The following LAMA1 variants were observed in gnomAD, a reference collection of about 807,000 sequenced individuals.
LAMA1 encodes laminin subunit alpha 1, also known as laminin subunit alpha-1.
In LAMA1, 219 loss-of-function variants were observed where a neutral mutation model predicts 348.7. The ratio of observed to expected loss-of-function variants is 0.63; its 90% confidence interval spans 0.56 to 0.70. The LOEUF (loss-of-function observed/expected upper bound fraction) is 0.70. Ranked by LOEUF, LAMA1 falls within the 30% of genes least tolerant of loss-of-function variation. The pLI, the probability that LAMA1 is intolerant of heterozygous loss-of-function variation, is 0.00. For synonymous variants in LAMA1, 1,487 were observed against 1,491.0 expected, an observed-to-expected ratio of 1.00 and a Z score of 0.06; for missense variants, 3,744 against 3,888.0, an observed-to-expected ratio of 0.96 and a Z score of 0.99.
chr18:7,116,736 G>A (rs1018692536), intron 1 of LAMA1, among the ~76,000 whole-genome samples: 3 of 152,232 alleles, frequency 2.0e-5, no homozygotes, highest in Non-Finnish European at 4.4e-5. Context: ...TAGGGGTGGC[G>A]TGGGTGACTA....
chr18:7,075,107 G>A (rs904593377), intron 3 of LAMA1, among the ~76,000 whole-genome samples: 3 of 150,614 alleles, frequency 2.0e-5, no homozygotes, highest in African/African-American at 7.3e-5. Flanking sequence ...AAAACCTCAA[G>A]AGCTGATATT....
intron 29 of LAMA1, among the ~76,000 whole-genome samples, chr18:7,003,637 A>G (rs1335718322): frequency 1.3e-5 from 2 of 152,106 alleles, no homozygotes; most frequent in Non-Finnish European, 2.9e-5. Flanking sequence ...CATTTGCTCA[A>G]TTCATCTCTA....
Position 6,992,576 on chromosome 18 carries a change from G to T in LAMA1, c.5153C>A (p.Ala1718Asp). 3.7e-6 allele frequency: 6 copies of T among 1,614,124 alleles called. No individual in the cohort carries two copies. The highest frequency in any genetic ancestry group is 5.1e-6 in the Non-Finnish European group (6 of 1,180,002). The change falls in exon 36 of 63, where the codon GCC becomes GAC. Residue 1718 changes from alanine to aspartate, a missense_variant. Transcript: ENST00000389658. ...AGAAACTTACTTGAGTTCAAGGGTGGCATTTTGGTGCAACTGTGTGAAGTC... is the reference window on the plus strand; with the variant it reads ...AGAAACTTACTTGAGTTCAAGGGTGTCATTTTGGTGCAACTGTGTGAAGTC... ...IRDFTQLHQN[A>D]TLELKAAEDL...
intron 16 of LAMA1, among the ~76,000 whole-genome samples, chr18:7,031,640 C>T (rs926530392): frequency 1.2e-4 from 17 of 144,364 alleles, no homozygotes; most frequent in African/African-American, 4.8e-4. Context: ...GTGTTGGTGC[C>T]ACCACACTCC....
rs1011732027 is a variant in LAMA1 at position 7,050,735 on chromosome 18, T to C, written c.547A>G (p.Thr183Ala). Reference sequence around the variant, plus strand: ...GGCACCAATCTGGAATAATAGGAGGTGCAGATCACTTCATCATCAGCCCTG... The same window carrying C: ...GGCACCAATCTGGAATAATAGGAGGCGCAGATCACTTCATCATCAGCCCTG... The part of the protein sequence containing the change: ...TYRADDEVIC[T>A]SYYSRLVPLE... The change falls in exon 4 of 63, where the codon ACC (threonine) becomes GCC (alanine). Residue 183 changes from threonine to alanine, a missense_variant. By Grantham distance (58) the Thr-to-Ala change is moderately conservative. Around this residue, in one of 3 missense-constraint regions of LAMA1, gnomAD observed 1,529 missense variants for 1,689.4 expected, o/e 0.91. Transcript: ENST00000389658. The C allele has an allele frequency of 6.2e-7, 1 of 1,614,052 alleles. No individual in the cohort carries two copies. Among genetic ancestry groups the C allele is most frequent in the Non-Finnish European group, 8.5e-7 (1 of 1,180,006 alleles).
At chr18:7,002,413 G>GA (rs5822937) in intron 29 of LAMA1, 28 bp from the exon 30 acceptor site, 143,048 of 1,610,504 alleles carry the variant, frequency 0.089, 7,165 homozygotes, top group African/African-American at 0.17. Context: ...AAGGAAGGGG[G>GA]AAAAAATGGG....
chr18:7,052,524 C>T (rs1289516831), intron 3 of LAMA1, among the ~76,000 whole-genome samples: 3 of 151,618 alleles, frequency 2.0e-5, no homozygotes, highest in South Asian at 2.1e-4. Flanking sequence ...GTCAGGAGTT[C>T]GAGACCAGCC....
At chr18:7,064,506 C>T (rs1398934137) in intron 3 of LAMA1, among the ~76,000 whole-genome samples, 2 of 152,130 alleles carry the variant, frequency 1.3e-5, no homozygotes. Context: ...TCTGGCAAGG[C>T]ATGATGATAC....
rs1202923936 is a variant in LAMA1 at position 7,038,961 on chromosome 18, G to C, written c.1423-11C>G. On this transcript the variant is annotated splice_polypyrimidine_tract_variant and intron_variant, in intron 10 of 62. Transcript: ENST00000389658. Reference sequence around the variant, plus strand: ...CCCCTCAACGTTTTCCTGTAAGTTAGGGTAAAAGATTAGCTTTTGAAACCA... The same window carrying C: ...CCCCTCAACGTTTTCCTGTAAGTTACGGTAAAAGATTAGCTTTTGAAACCA... 1 of 1,610,260 alleles carries C rather than the reference G, an allele frequency of 6.2e-7. No homozygotes were observed. Among genetic ancestry groups the C allele is most frequent in the Non-Finnish European group, 8.5e-7 (1 of 1,176,690 alleles).
intron 26 of LAMA1, 39 bp from the exon 27 acceptor site, chr18:7,009,405 C>G: frequency 6.2e-7 from 1 of 1,607,262 alleles, no homozygotes; most frequent in South Asian, 1.1e-5. Flanking sequence ...GCTCAGAGGC[C>G]AAATTCTGAC....
At chr18:7,054,752 C>T (rs914092341) in intron 3 of LAMA1, among the ~76,000 whole-genome samples, 23 of 152,104 alleles carry the variant, frequency 1.5e-4, no homozygotes, top group African/African-American at 5.6e-4. Flanking sequence ...CCTCTTCCTC[C>T]TCCTCCTCAG....
chr18:6,971,881 C>A lies in LAMA1; in HGVS notation c.6875G>T (p.Gly2292Val). The A allele has an allele frequency of 6.2e-7, 1 of 1,614,062 alleles. No individual in the cohort carries two copies. Among genetic ancestry groups the A allele is most frequent in the Non-Finnish European group, 8.5e-7 (1 of 1,180,016 alleles). Reference protein sequence around the residue: ...IGLWNYIEREGKCRGCFGSSQ... With the variant: ...IGLWNYIEREVKCRGCFGSSQ... ...CCTTCCGAAGCACCCACGGCACTTG[C>A]CTTCCCTTTCAATATAGTTCCATAG... Residue 2292 changes from glycine (G) to valine (V), a missense_variant, in exon 48 of 63, where the codon GGC becomes GTC. Physicochemically the swap from Gly to Val is moderately radical, Grantham distance 109. This residue lies in a region of LAMA1 where 1,983 missense variants were observed against 1,934.3 expected (regional missense o/e 1.03). Coordinates refer to ENST00000389658, the MANE Select transcript of LAMA1 (RefSeq NM_005559.4).
intron 32 of LAMA1, among the ~76,000 whole-genome samples, chr18:6,998,366 G>A (rs1012006925): frequency 6.6e-5 from 10 of 152,138 alleles, no homozygotes; most frequent in African/African-American, 2.4e-4. Flanking sequence ...CTGGAGAACG[G>A]ATGCACCTAA....
At chr18:7,112,353 C>T (rs774312367) in intron 1 of LAMA1, among the ~76,000 whole-genome samples, 10 of 152,140 alleles carry the variant, frequency 6.6e-5, no homozygotes, top group Non-Finnish European at 8.8e-5. Flanking sequence ...CAGAGGGATA[C>T]TGTTCCATGC....
chr18:6,972,181 T>G, intron 47 of LAMA1, 200 bp from the exon 48 acceptor site: 1 of 569,566 alleles, frequency 1.8e-6, no homozygotes, highest in Non-Finnish European at 3.1e-6. Context: ...GAGTAACAAC[T>G]GGGCAGGATC....
rs753989566 is a variant in LAMA1, at chr18:6,999,453, T to C, written c.4655A>G (p.Asp1552Gly). The change falls in exon 32 of 63, where the codon GAT becomes GGT. Residue 1552 changes from aspartate (D) to glycine (G), a missense_variant. Physicochemically the swap from Asp to Gly is moderately conservative, Grantham distance 94. Around this residue, in one of 3 missense-constraint regions of LAMA1, gnomAD observed 1,983 missense variants for 1,934.3 expected, o/e 1.03. Coordinates refer to ENST00000389658, the MANE Select transcript of LAMA1 (RefSeq NM_005559.4). Reference protein sequence around the residue: ...CEPRHILMETDCVSCDDECVG... With the variant: ...CEPRHILMETGCVSCDDECVG... ...AGAGGAGAAATACTCACAAACACAATCTGTTTCCATCAGAATGTGCCTCGG... is the reference window on the plus strand; with the variant it reads ...AGAGGAGAAATACTCACAAACACAACCTGTTTCCATCAGAATGTGCCTCGG... 4.3e-6 allele frequency: 7 copies of C among 1,614,112 alleles called. No homozygotes were observed. The South Asian group carries it at 4.4e-5, about 10-fold the overall frequency.
chr18:7,007,271 G>A lies in LAMA1; in HGVS notation c.4128C>T (p.Cys1376=), dbSNP rs758255889. The part of the protein sequence containing the change: ...PGTVGFSCQD[C]APGYHRGKLP... ...GCTTCCCTCTGTGGTACCCAGGGGCGCAGTCCTGAGGGGGTGCAAAAGGGA... is the reference window on the plus strand; with the variant it reads ...GCTTCCCTCTGTGGTACCCAGGGGCACAGTCCTGAGGGGGTGCAAAAGGGA... Residue 1376 remains cysteine, a synonymous_variant, in exon 29 of 63, where the codon TGC becomes TGT. Coordinates refer to ENST00000389658, the MANE Select transcript of LAMA1 (RefSeq NM_005559.4). 16 of 1,613,710 alleles carry A rather than the reference G, an allele frequency of 9.9e-6. 1 individual carries two copies. Among genetic ancestry groups the A allele is most frequent in the South Asian group, 4.4e-5 (4 of 91,012 alleles).
chr18:7,063,129 C>T (rs1215792241), intron 3 of LAMA1, among the ~76,000 whole-genome samples: 5 of 152,090 alleles, frequency 3.3e-5, no homozygotes, highest in Admixed American at 1.3e-4. Flanking sequence ...TTCCTTTGGG[C>T]CCTAAATCTA....
chr18:7,023,010 G>A (rs2057924920), intron 19 of LAMA1, among the ~76,000 whole-genome samples, 154 bp downstream of exon 19: 1 of 152,160 alleles, frequency 6.6e-6, no homozygotes, highest in South Asian at 2.1e-4. Context: ...TGGGTCGTGG[G>A]TCTGTATTTG....
Sources: gnomAD v4.1 joint callset for allele counts (sites outside exome capture counted in the v4.1 genomes callset) on GRCh38, gnomAD v4.1.1 for gene constraint, gnomAD v4.1.1 regional missense constraint, MANE v1.5 for transcripts, NCBI Gene and HGNC (gene_info 2026-07-23, HGNC 2026-07-21) for gene names.